KCNIP4: variants seen among roughly 807,000 people sequenced by gnomAD.
KCNIP4 encodes the protein Kv channel-interacting protein 4.
Under a neutral mutation model 34.0 loss-of-function variants are expected in KCNIP4, and 12 were observed. That is an observed-to-expected ratio of 0.35 (90% CI 0.23 to 0.57). KCNIP4 has a LOEUF of 0.57. Among genes scored for constraint, KCNIP4 ranks in the 20% least tolerant of loss-of-function variants. The pLI is 0.83. For missense variants in KCNIP4, 238 were observed against 311.7 expected (o/e 0.76, Z 1.78); for synonymous variants, 124 against 102.2 (o/e 1.21, Z -1.29).
chr4:21,442,301 C>T (rs145632108), intron 1 of KCNIP4, among the ~76,000 whole-genome samples: 2 of 152,174 alleles, frequency 1.3e-5, no homozygotes, highest in African/African-American at 4.8e-5. Flanking sequence ...TGTTACCAAG[C>T]ATCAGTGCCA....
intron 1 of KCNIP4, among the ~76,000 whole-genome samples, chr4:21,078,063 G>A (rs1745659027): frequency 6.6e-6 from 1 of 152,030 alleles, no homozygotes; most frequent in Non-Finnish European, 1.5e-5. Context: ...CTAGCAGGAG[G>A]GAACATGGTT....
chr4:21,670,263 C>T (rs1356157505), intron 1 of KCNIP4, among the ~76,000 whole-genome samples: 9 of 151,904 alleles, frequency 5.9e-5, no homozygotes, highest in Admixed American at 5.9e-4. Context: ...GAGTTCATGG[C>T]CTTTGTAGGG....
intron 1 of KCNIP4, among the ~76,000 whole-genome samples, chr4:21,653,689 A>C (rs532472404): frequency 2.0e-5 from 3 of 152,366 alleles, no homozygotes; most frequent in South Asian, 4.1e-4. Flanking sequence ...GGCTGTGCAT[A>C]GCACTTTACT....
chr4:21,388,058 G>C (rs948142919), intron 1 of KCNIP4, among the ~76,000 whole-genome samples: 1 of 120,182 alleles, frequency 8.3e-6, no homozygotes, highest in Non-Finnish European at 1.9e-5. Context: ...GACAGCTAGA[G>C]AGGGCTGCTT....
chr4:21,422,659 TTGTGTGTGTGTG>T (rs3083787), intron 1 of KCNIP4, among the ~76,000 whole-genome samples: 7 of 147,626 alleles, frequency 4.7e-5, no homozygotes, highest in African/African-American at 1.5e-4. Context: ...ATGTGTGTGT[TTGTGTGTGTGTG>T]TGTGTGTGTG....
intron 1 of KCNIP4, among the ~76,000 whole-genome samples, chr4:21,632,701 T>C (rs1745849981): frequency 6.6e-6 from 1 of 151,694 alleles, no homozygotes. Flanking sequence ...TAATAGGAGC[T>C]ACAAACTTAT....
chr4:20,729,917 G>GA lies in KCNIP4; in HGVS notation c.*164dup, dbSNP rs1747528930. On this transcript the variant is annotated 3_prime_UTR_variant, in exon 9 of 9. Transcript: ENST00000382152. ...ATGAAAAGGATGCAAATTTATAACT[G>GA]AAAGCTCAAATCTTTTGGGGATTGC... 1.4e-6 allele frequency: 1 copy of GA among 730,174 alleles called. No individual in the cohort carries two copies. Among genetic ancestry groups the GA allele is most frequent in the African/African-American group, 1.8e-5 (1 of 54,452 alleles). The allele number at this position is 730,174 out of a possible 1,614,324, so 45.2% of individuals were successfully genotyped here. A position where few individuals can be genotyped will look rare whatever the true frequency, so the allele number is the denominator to read the frequency against.
At chr4:21,923,062 TCTCA>T (rs1729022254) in intron 1 of KCNIP4, among the ~76,000 whole-genome samples, 1 of 152,142 alleles carries the variant, frequency 6.6e-6, no homozygotes, top group African/African-American at 2.4e-5. Context: ...ATAGATGCTC[TCTCA>T]ATTTATCCTC....
rs150595723 is a variant in KCNIP4, at chr4:20,914,604, G to A, written c.62-31895C>T. Among the ~76,000 whole-genome samples the A allele has an allele frequency of 3.8e-3, 574 of 152,152 alleles. 3 individuals carry two copies. The highest frequency in any genetic ancestry group is 5.0e-3 in the Non-Finnish European group (341 of 67,996). On this transcript the variant is annotated intron_variant, in intron 1 of 8. Transcript: ENST00000382152. ...ACTAAAATAATTATAATTATTATTT[G>A]GTATGTCTCTCCAGCATTGTACCCT...
chr4:21,336,609 T>A (rs1215163429), intron 1 of KCNIP4, among the ~76,000 whole-genome samples: 1 of 152,064 alleles, frequency 6.6e-6, no homozygotes, highest in Non-Finnish European at 1.5e-5. Context: ...TGAATATACC[T>A]CTGTGCTTGG....
intron 1 of KCNIP4, among the ~76,000 whole-genome samples, chr4:21,334,283 G>A (rs1160517197): frequency 6.6e-6 from 1 of 151,712 alleles, no homozygotes; most frequent in African/African-American, 2.4e-5. Flanking sequence ...GGAATAAAAG[G>A]GTGAAATGAT....
chr4:21,440,729 A>T (rs926589292), intron 1 of KCNIP4, among the ~76,000 whole-genome samples: 2 of 152,342 alleles, frequency 1.3e-5, no homozygotes, highest in African/African-American at 4.8e-5. Context: ...CGACTTGAAT[A>T]AATATCAGAA....
intron 1 of KCNIP4, among the ~76,000 whole-genome samples, chr4:21,279,431 T>G (rs1260023274): frequency 6.6e-6 from 1 of 151,798 alleles, no homozygotes; most frequent in Non-Finnish European, 1.5e-5. Flanking sequence ...ATTTACTTTT[T>G]GAAAACTGAG....
chr4:20,976,826 AAGATGAACTTTTTCTCTTTTTTTTG>A (rs569605544), intron 1 of KCNIP4, among the ~76,000 whole-genome samples: 25 of 152,110 alleles, frequency 1.6e-4, no homozygotes, highest in Non-Finnish European at 3.2e-4. Context: ...CAGAAGCAAA[AAGATGAACTTTTTCTCTTTTTTTTG>A]AGATGGAGTT....
At position 21,778,226 on chromosome 4, in the gene KCNIP4, TTTTTTTTTTC is replaced by T. The variant is rs1210027686; in HGVS notation, c.61+170335_61+170344del. The stretch of plus-strand genomic sequence containing the variant: ...ATTTGTTTCTTTTTCCTTTTTTCCT[TTTTTTTTTTC>T]TTTTTTTTTTTTTTTTGAGACAGGG... On this transcript the variant is annotated intron_variant, in intron 1 of 8. Coordinates refer to ENST00000382152, the MANE Select transcript of KCNIP4 (RefSeq NM_025221.6). Among the ~76,000 whole-genome samples the T allele has an allele frequency of 8.8e-4, 51 of 57,922 alleles. 2 individuals are homozygous for T. The highest frequency in any genetic ancestry group is 2.6e-3 in the African/African-American group (16 of 6,260). 38.0% of individuals were successfully genotyped at this position (57,922 alleles called of 152,430 possible).
intron 1 of KCNIP4, among the ~76,000 whole-genome samples, chr4:20,945,161 T>C (rs537170857): frequency 6.6e-6 from 1 of 152,276 alleles, no homozygotes; most frequent in South Asian, 2.1e-4. Context: ...GACTAATTCT[T>C]AAAAATGCAG....
In KCNIP4 at chr4:21,790,477, C is replaced by G. The variant is rs145201925; in HGVS notation, c.61+158094G>C. ...CGGAGGCTTTAGAGGTGGGATTTAC[C>G]TTTCCAAAACCTCACATTATGACAA... On this transcript the variant is annotated intron_variant, in intron 1 of 8. Coordinates refer to ENST00000382152, the MANE Select transcript of KCNIP4 (RefSeq NM_025221.6). Among the ~76,000 whole-genome samples the G allele has an allele frequency of 6.1e-3, 933 of 152,166 alleles. 5 individuals carry two copies. The highest frequency in any genetic ancestry group is 9.9e-3 in the Non-Finnish European group (673 of 68,016).
intron 1 of KCNIP4, among the ~76,000 whole-genome samples, chr4:21,276,956 A>G (rs182409248): frequency 5.9e-5 from 9 of 152,318 alleles, no homozygotes; most frequent in Non-Finnish European, 1.3e-4. Flanking sequence ...TGCAGCAACA[A>G]TGTTGAGACT....
intron 2 of KCNIP4, among the ~76,000 whole-genome samples, chr4:20,856,540 A>G (rs1302983296): frequency 6.6e-6 from 1 of 152,194 alleles, no homozygotes; most frequent in African/African-American, 2.4e-5. Context: ...AGACAAGATC[A>G]ATATCTTACA....
Sources: gnomAD v4.1 joint callset for allele counts (sites outside exome capture counted in the v4.1 genomes callset) on GRCh38, gnomAD v4.1.1 for gene constraint, MANE v1.5 for transcripts, NCBI Gene and HGNC (gene_info 2026-07-23, HGNC 2026-07-21) for gene names.